BCR: variants seen among roughly 807,000 people sequenced by gnomAD.
BCR encodes the protein BCR activator of RhoGEF and GTPase.
BCR carries 58 observed loss-of-function variants against 138.6 expected under a neutral mutation model. The observed-to-expected ratio is 0.42, with a 90% CI of 0.34 to 0.52. The LOEUF (loss-of-function observed/expected upper bound fraction) is 0.52, where lower values mean the gene tolerates loss of function less well. Among genes scored for constraint, BCR ranks in the 20% least tolerant of loss-of-function variants. The pLI is 0.06. For missense variants in BCR, 1,599 were observed against 1,727.2 expected, an observed-to-expected ratio of 0.93 and a Z score of 1.32; for synonymous variants, 786 against 730.1, an observed-to-expected ratio of 1.08 and a Z score of -1.23.
At chr22:23,223,732 C>T (rs896129860) in intron 1 of BCR, among the ~76,000 whole-genome samples, 2 of 152,126 alleles carry the variant, frequency 1.3e-5, no homozygotes, top group South Asian at 2.1e-4. Context: ...CAGTGCACAG[C>T]GAGATTTCAG....
intron 1 of BCR, among the ~76,000 whole-genome samples, chr22:23,194,107 C>T (rs1445026328): frequency 1.3e-5 from 2 of 152,196 alleles, no homozygotes; most frequent in South Asian, 2.1e-4. Flanking sequence ...GGAAGCTCAG[C>T]GTAGCCTGTT....
At chr22:23,254,256 A>C (rs2073267928) in intron 2 of BCR, among the ~76,000 whole-genome samples, 1 of 152,088 alleles carries the variant, frequency 6.6e-6, no homozygotes, top group African/African-American at 2.4e-5. Flanking sequence ...AGAGGCCACC[A>C]CCAAGACCTG....
rs552203588 is a variant in BCR at position 23,265,212 on chromosome 22, A to G, written c.1753-3196A>G. Among the ~76,000 whole-genome samples, 8 of 152,372 alleles carry G rather than the reference A, an allele frequency of 5.3e-5. 2 individuals carry two copies. The highest frequency in any genetic ancestry group is 1.9e-4 in the African/African-American group (8 of 41,584). ...GCCCTGGAGGCCTTGAGCTACCTTC[A>G]TGCGTCAGATGATGCAGCCGGAAGA... On this transcript the variant is annotated intron_variant, in intron 4 of 22. Coordinates refer to ENST00000305877, the MANE Select transcript of BCR (RefSeq NM_004327.4).
In BCR at chr22:23,181,227, G is replaced by T. The variant is rs760840027; in HGVS notation, c.267G>T (p.Glu89Asp). The T allele has an allele frequency of 3.8e-5, 47 of 1,239,662 alleles. No individual in the cohort carries two copies. The highest frequency in any genetic ancestry group is 5.1e-6 in the Non-Finnish European group (5 of 982,050). 76.8% of individuals were successfully genotyped at this position (1,239,662 alleles called of 1,614,324 possible). A position where few individuals can be genotyped will look rare whatever the true frequency, so the allele number is the denominator to read the frequency against. Reference sequence around the variant, plus strand: ...CGCAGGCCCCCGACGGCGCCTCCGAGCCCCGAGCGTCCGCGTCGCGCCCGC... The same window carrying T: ...CGCAGGCCCCCGACGGCGCCTCCGATCCCCGAGCGTCCGCGTCGCGCCCGC... ...RAAQAPDGASEPRASASRPQP... is the reference protein window; with the variant it reads ...RAAQAPDGASDPRASASRPQP... The change falls in exon 1 of 23, where the codon GAG becomes GAT. Residue 89 changes from glutamate to aspartate, a missense_variant. Transcript: ENST00000305877.
Position 23,263,277 on chromosome 22 carries a change from C to G in BCR, c.1752+1737C>G. 3.5e-6 allele frequency: 4 copies of G among 1,129,602 alleles called. No individual in the cohort carries two copies. In the South Asian group the frequency reaches 5.3e-5, roughly 15 times the overall value. The allele number at this position is 1,129,602 out of a possible 1,614,324, so 70.0% of individuals were successfully genotyped here. A position where few individuals can be genotyped will look rare whatever the true frequency, so the allele number is the denominator to read the frequency against. On this transcript the variant is annotated intron_variant, in intron 4 of 22. Coordinates refer to ENST00000305877, the MANE Select transcript of BCR (RefSeq NM_004327.4). ...CTACCTCGACATGCGGGCCCTCGGC[C>G]GCCTGGCCCAGGTGTACCGCTGGCT...
At chr22:23,225,294 G>T (rs1248465076) in intron 1 of BCR, among the ~76,000 whole-genome samples, 2 of 151,950 alleles carry the variant, frequency 1.3e-5, no homozygotes, top group Non-Finnish European at 2.9e-5. Context: ...CCAGAGTAGC[G>T]TGCATGGTGA....
intron 1 of BCR, among the ~76,000 whole-genome samples, chr22:23,208,140 T>C (rs1349548130): frequency 6.6e-6 from 1 of 152,246 alleles, no homozygotes; most frequent in Non-Finnish European, 1.5e-5. Flanking sequence ...CATGCTTCAG[T>C]TGGTACCCCG....
At chr22:23,199,831 C>G (rs191956226) in intron 1 of BCR, among the ~76,000 whole-genome samples, 5 of 152,278 alleles carry the variant, frequency 3.3e-5, no homozygotes, top group Admixed American at 2.6e-4. Context: ...TGGCTCACGC[C>G]TGTAATCCCA....
chr22:23,297,392 C>T (rs902865720), intron 16 of BCR, among the ~76,000 whole-genome samples: 3 of 151,900 alleles, frequency 2.0e-5, no homozygotes, highest in African/African-American at 7.3e-5. Flanking sequence ...CATGTGCTTT[C>T]CCATTCGGTC....
intron 1 of BCR, among the ~76,000 whole-genome samples, chr22:23,207,213 T>C (rs991632366): frequency 6.6e-6 from 1 of 152,206 alleles, no homozygotes; most frequent in East Asian, 1.9e-4. Flanking sequence ...CATAGACATA[T>C]ATTAAAAACA....
intron 10 of BCR, 37 bp from the exon 11 acceptor site, chr22:23,287,122 T>C: frequency 6.4e-7 from 1 of 1,565,356 alleles, no homozygotes; most frequent in Non-Finnish European, 8.7e-7. Flanking sequence ...TGTGGAGCGC[T>C]GGAATGGGAA....
At chr22:23,201,748 C>T (rs1173280855) in intron 1 of BCR, among the ~76,000 whole-genome samples, 1 of 152,202 alleles carries the variant, frequency 6.6e-6, no homozygotes, top group African/African-American at 2.4e-5. Flanking sequence ...AGCCACCGCG[C>T]CCGGCCAAGT....
At chr22:23,267,684 G>A (rs1441363265) in intron 4 of BCR, among the ~76,000 whole-genome samples, 1 of 152,192 alleles carries the variant, frequency 6.6e-6, no homozygotes, top group South Asian at 2.1e-4. Flanking sequence ...GCCCATAAAG[G>A]TGTTGTGGGG....
intron 8 of BCR, among the ~76,000 whole-genome samples, chr22:23,277,594 G>A (rs920098361): frequency 6.6e-6 from 1 of 152,204 alleles, no homozygotes; most frequent in Non-Finnish European, 1.5e-5. Context: ...CAAGAGGAAA[G>A]CTGCTTCTGT....
intron 1 of BCR, among the ~76,000 whole-genome samples, chr22:23,240,929 G>T (rs936351193): frequency 6.6e-6 from 1 of 152,118 alleles, no homozygotes; most frequent in African/African-American, 2.4e-5. Flanking sequence ...GGAATCTTAC[G>T]GTATTTGTTT....
Position 23,284,023 on chromosome 22 carries a change from G to C in BCR, c.2162G>C (p.Gly721Ala). Reference protein sequence around the residue: ...KDSFMVELVEGARKLRHVFLF... With the variant: ...KDSFMVELVEAARKLRHVFLF... ...AGCTTCATGGTGGAGCTGGTGGAGG[G>C]GGCCCGCAAGCTGCGCCACGTCTTC... The change falls in exon 9 of 23, where the codon GGG (glycine) becomes GCG (alanine). Residue 721 changes from glycine (G) to alanine (A), a missense_variant. By Grantham distance (60) the Gly-to-Ala change is moderately conservative. This residue lies in a region of BCR where 590 missense variants were observed against 762.4 expected (regional missense o/e 0.77). Coordinates refer to ENST00000305877, the MANE Select transcript of BCR (RefSeq NM_004327.4). The C allele has an allele frequency of 6.2e-7, 1 of 1,604,738 alleles. No individual in the cohort carries two copies. The highest frequency in any genetic ancestry group is 8.5e-7 in the Non-Finnish European group (1 of 1,175,840).
At chr22:23,254,568 C>T (rs780898245) in intron 2 of BCR, 6 of 507,272 alleles carry the variant, frequency 1.2e-5, no homozygotes, top group East Asian at 5.5e-5. Context: ...AGTGGACCCA[C>T]GCCCCCCCTC....
intron 13 of BCR, 55 bp downstream of exon 13, chr22:23,289,676 C>T: frequency 6.8e-7 from 1 of 1,461,868 alleles, no homozygotes; most frequent in Non-Finnish European, 9.6e-7. Context: ...AGGCAGCTAG[C>T]CTGAAGGCTG....
intron 7 of BCR, 98 bp from the exon 8 acceptor site, chr22:23,273,536 G>A (rs561030044): frequency 9.2e-6 from 14 of 1,524,942 alleles, no homozygotes; most frequent in South Asian, 3.5e-5. Context: ...GGGAGCCGGC[G>A]CTCTGGGCTC....
Sources: gnomAD v4.1 joint callset for allele counts (sites outside exome capture counted in the v4.1 genomes callset) on GRCh38, gnomAD v4.1.1 for gene constraint, gnomAD v4.1.1 regional missense constraint, MANE v1.5 for transcripts, NCBI Gene and HGNC (gene_info 2026-07-23, HGNC 2026-07-21) for gene names.